Variants in THSD7A observed in about 807,000 individuals in gnomAD.
The protein encoded by THSD7A is thrombospondin type 1 domain containing 7A.
A neutral mutation model predicts 231.3 loss-of-function variants in THSD7A; 96 were observed. The ratio of observed to expected loss-of-function variants is 0.41; its 90% CI spans 0.35 to 0.49. The LOEUF is 0.49. THSD7A is among the 20% of genes least tolerant of loss of function. THSD7A has a pLI of 0.05. For synonymous variants in THSD7A, 940 were observed against 743.3 expected (o/e 1.26, Z -4.30); for missense variants, 2,290 against 2,070.2 (o/e 1.11, Z -2.06).
At chr7:11,612,240 A>T (rs750005167) in intron 2 of THSD7A, among the ~76,000 whole-genome samples, 3 of 152,118 alleles carry the variant, frequency 2.0e-5, no homozygotes, top group Non-Finnish European at 4.4e-5. Context: ...CCCATGCTGC[A>T]GGCATCCCAG....
At chr7:11,544,042 T>TA (rs967229874) in intron 4 of THSD7A, among the ~76,000 whole-genome samples, 10 of 152,042 alleles carry the variant, frequency 6.6e-5, no homozygotes, top group East Asian at 3.9e-4. Context: ...GCTTTTGTTT[T>TA]AAAAAAAAAT....
At chr7:11,644,968 C>T (rs1203857853) in intron 1 of THSD7A, among the ~76,000 whole-genome samples, 1 of 151,850 alleles carries the variant, frequency 6.6e-6, no homozygotes, top group African/African-American at 2.4e-5. Flanking sequence ...TGACAACTTC[C>T]TTAGGTTACA....
intron 11 of THSD7A, among the ~76,000 whole-genome samples, chr7:11,449,405 G>T (rs532718592): frequency 6.6e-6 from 1 of 151,894 alleles, no homozygotes; most frequent in Admixed American, 6.6e-5. Context: ...TGATCCTTAC[G>T]CAGATTCAAG....
At position 11,814,018 on chromosome 7, in the gene THSD7A, T is replaced by C. The variant is rs1040514817; in HGVS notation, c.190+17739A>G. 6.6e-6 allele frequency among the ~76,000 whole-genome samples: 1 copy of C among 152,112 alleles called. No individual in the cohort carries two copies. Among genetic ancestry groups the C allele is most frequent in the African/African-American group, 2.4e-5 (1 of 41,422 alleles). On this transcript the variant is annotated intron_variant, in intron 1 of 27. Transcript: ENST00000423059. This position sits in a 1 kb window ranked among gnomAD's most constrained non-coding sequence, Gnocchi z 5.1. Reference sequence around the variant, plus strand: ...AAAACATGGATGGACTTTGAAAACATGATGCGAAATAAAAGGTGCTAGTCA... The same window carrying C: ...AAAACATGGATGGACTTTGAAAACACGATGCGAAATAAAAGGTGCTAGTCA...
intron 4 of THSD7A, among the ~76,000 whole-genome samples, chr7:11,586,066 T>A (rs543156638): frequency 6.6e-6 from 1 of 152,296 alleles, no homozygotes; most frequent in African/African-American, 2.4e-5. Flanking sequence ...GTAGCCATCA[T>A]GGGTTCTAGT....
Position 11,634,669 on chromosome 7 carries a change from A to G in THSD7A, c.1022+1461T>C, listed in dbSNP as rs985620739. ...ACCTGGAGAATGAAGGCAGAACAAC[A>G]GCCTTCATTCAAGGCCACAGGACCA... is the stretch of plus-strand genomic sequence containing the variant. On this transcript the variant is annotated intron_variant, in intron 2 of 27. Transcript: ENST00000423059. This position sits in a 1 kb window ranked among gnomAD's most constrained non-coding sequence, Gnocchi z 4.1. Among the ~76,000 whole-genome samples the G allele has an allele frequency of 6.6e-6, 1 of 152,092 alleles. No homozygotes were observed. Among genetic ancestry groups the G allele is most frequent in the African/African-American group, 2.4e-5 (1 of 41,412 alleles).
At chr7:11,765,563 A>T (rs2128169650) in intron 1 of THSD7A, among the ~76,000 whole-genome samples, 1 of 152,354 alleles carries the variant, frequency 6.6e-6, no homozygotes, top group East Asian at 1.9e-4. Flanking sequence ...AATAATTTGT[A>T]GAGAAAAAAC....
chr7:11,491,876 CT>C (rs1014894456), intron 6 of THSD7A, among the ~76,000 whole-genome samples: 1 of 152,064 alleles, frequency 6.6e-6, no homozygotes. Context: ...TTGCAACGCT[CT>C]TTTTGGGTGA....
In THSD7A at chr7:11,632,961, CTT is replaced by C. The variant is rs1472661545; in HGVS notation, c.1022+3167_1022+3168del. On this transcript the variant is annotated intron_variant, in intron 2 of 27. Transcript: ENST00000423059. This position sits in a 1 kb window ranked among gnomAD's most constrained non-coding sequence, Gnocchi z 4.1. Reference sequence around the variant, plus strand: ...TCCTTTGTTTGCATATCCATTATCTCTTTTAAAAATTAGTTTATTTGATGTTC... The same window carrying C: ...TCCTTTGTTTGCATATCCATTATCTCTTAAAAATTAGTTTATTTGATGTTC... Among the ~76,000 whole-genome samples, 1 of 152,156 alleles carries C rather than the reference CTT, an allele frequency of 6.6e-6. No individual in the cohort carries two copies. Among genetic ancestry groups the C allele is most frequent in the African/African-American group, 2.4e-5 (1 of 41,446 alleles).
chr7:11,741,887 T>C (rs1782127138), intron 1 of THSD7A, among the ~76,000 whole-genome samples: 1 of 151,976 alleles, frequency 6.6e-6, no homozygotes, highest in Non-Finnish European at 1.5e-5. Flanking sequence ...AGCTCATGTA[T>C]ATACACTGTT....
chr7:11,786,860 T>C (rs948149454), intron 1 of THSD7A, among the ~76,000 whole-genome samples: 1 of 151,476 alleles, frequency 6.6e-6, no homozygotes, highest in Non-Finnish European at 1.5e-5. Context: ...AATTAAAACA[T>C]CAAACAAATT....
chr7:11,655,466 C>G (rs746111116), intron 1 of THSD7A, among the ~76,000 whole-genome samples: 5 of 151,776 alleles, frequency 3.3e-5, no homozygotes, highest in Non-Finnish European at 7.4e-5. Context: ...TAACCCCATT[C>G]CTAACAGCTT....
At chr7:11,420,610 G>GC (rs1029390642) in intron 16 of THSD7A, among the ~76,000 whole-genome samples, 3 of 152,220 alleles carry the variant, frequency 2.0e-5, no homozygotes, top group African/African-American at 4.8e-5. Context: ...GTGGGGTTGG[G>GC]CCCCCCCACA....
At chr7:11,603,042 T>C (rs957582923) in intron 2 of THSD7A, among the ~76,000 whole-genome samples, 28 of 150,000 alleles carry the variant, frequency 1.9e-4, no homozygotes, top group African/African-American at 6.6e-4. Context: ...CTAATTAAAC[T>C]AAAGAGCTTC....
At chr7:11,747,788 G>C (rs1482087559) in intron 1 of THSD7A, among the ~76,000 whole-genome samples, 3 of 151,888 alleles carry the variant, frequency 2.0e-5, no homozygotes, top group African/African-American at 7.2e-5. Context: ...AAGTCTCAGA[G>C]GAAGTAATAT....
chr7:11,531,126 A>T (rs959038072), intron 6 of THSD7A, among the ~76,000 whole-genome samples: 4 of 152,180 alleles, frequency 2.6e-5, no homozygotes, highest in African/African-American at 9.7e-5. Context: ...GGAAAACCTG[A>T]TTCAAGGATT....
intron 1 of THSD7A, among the ~76,000 whole-genome samples, chr7:11,776,951 G>A (rs1267008824): frequency 3.9e-5 from 6 of 152,184 alleles, no homozygotes; most frequent in African/African-American, 1.4e-4. Context: ...TTTTGCAGTT[G>A]ATTTAACATC....
rs76114776 is a variant in THSD7A, at chr7:11,537,368, G to A, written c.1822+4051C>T. On this transcript the variant is annotated intron_variant, in intron 6 of 27. Coordinates refer to ENST00000423059, the MANE Select transcript of THSD7A (RefSeq NM_015204.3). ...TGTAATCCCCACTGTTGGAGGTGGC[G>A]TCTGGTGGGACGTGATTGGATCACA... 6.2e-3 allele frequency among the ~76,000 whole-genome samples: 951 copies of A among 152,300 alleles called. 10 individuals are homozygous for A. The highest frequency in any genetic ancestry group is 0.022 in the African/African-American group (909 of 41,554).
At chr7:11,564,715 G>C (rs1044692788) in intron 4 of THSD7A, among the ~76,000 whole-genome samples, 1 of 152,104 alleles carries the variant, frequency 6.6e-6, no homozygotes, top group African/African-American at 2.4e-5. Context: ...GAATTATAGA[G>C]AAAGGTCCAT....
Sources: gnomAD v4.1 joint callset for allele counts (sites outside exome capture counted in the v4.1 genomes callset) on GRCh38, gnomAD v4.1.1 for gene constraint, Gnocchi (gnomAD v3.1) non-coding constraint, MANE v1.5 for transcripts, NCBI Gene and HGNC (gene_info 2026-07-23, HGNC 2026-07-21) for gene names.